The following PARM1 variants were observed in gnomAD, a reference collection of about 807,000 sequenced individuals.
PARM1 encodes prostate androgen-regulated mucin-like protein 1.
PARM1 carries 14 observed loss-of-function variants against 24.6 expected under a neutral mutation model. The observed-to-expected ratio is 0.57, with a 90% CI of 0.38 to 0.89. The LOEUF (loss-of-function observed/expected upper bound fraction) is 0.89, where lower values mean the gene tolerates loss of function less well. Ranked by LOEUF, PARM1 falls within the 40% of genes least tolerant of loss-of-function variation. The probability of loss-of-function intolerance (pLI) is 0.00; values close to 1 mark genes in which losing one functional copy is unlikely to be tolerated. For missense variants in PARM1, 362 were observed against 380.4 expected (o/e 0.95, Z 0.40); for synonymous variants, 179 against 156.6 (o/e 1.14, Z -1.07).
intron 1 of PARM1, among the ~76,000 whole-genome samples, chr4:74,947,602 A>G (rs1721435364): frequency 1.3e-5 from 2 of 152,352 alleles, no homozygotes; most frequent in African/African-American, 4.8e-5. Flanking sequence ...TATAACCCTT[A>G]TGTTTTCAAC....
chr4:75,017,436 C>T (rs1723009645), intron 2 of PARM1, among the ~76,000 whole-genome samples: 1 of 152,094 alleles, frequency 6.6e-6, no homozygotes. Context: ...GTTACCATCC[C>T]CCCTATCTAG....
intron 2 of PARM1, among the ~76,000 whole-genome samples, chr4:75,033,001 C>G (rs1346138): frequency 0.096 from 14,613 of 152,200 alleles, 847 homozygotes; most frequent in African/African-American, 0.16. Context: ...ATGCAAAGCT[C>G]ACACAAAAAG....
chr4:74,958,433 A>G (rs1448261048), intron 1 of PARM1, among the ~76,000 whole-genome samples: 9 of 152,298 alleles, frequency 5.9e-5, no homozygotes, highest in Non-Finnish European at 1.5e-5. Context: ...CCGGGTAACT[A>G]TTTTACTTGA....
At chr4:75,035,335 A>G (rs1723349250) in intron 3 of PARM1, among the ~76,000 whole-genome samples, 1 of 152,174 alleles carries the variant, frequency 6.6e-6, no homozygotes, top group Non-Finnish European at 1.5e-5. Flanking sequence ...GTCTGTGAGG[A>G]CACTGCTAGG....
intron 3 of PARM1, among the ~76,000 whole-genome samples, chr4:75,035,851 T>TA (rs554253170): frequency 8.6e-5 from 13 of 151,988 alleles, no homozygotes; most frequent in Non-Finnish European, 8.8e-5. Flanking sequence ...CCCCCAGATT[T>TA]AAAAAAAATA....
At chr4:74,987,357 A>G (rs916824167) in intron 1 of PARM1, among the ~76,000 whole-genome samples, 1 of 152,178 alleles carries the variant, frequency 6.6e-6, no homozygotes, top group African/African-American at 2.4e-5. Flanking sequence ...GAGAAGAGAC[A>G]GAGAACTTCC....
chr4:75,016,922 C>T (rs1016008199), intron 2 of PARM1, among the ~76,000 whole-genome samples: 1 of 152,154 alleles, frequency 6.6e-6, no homozygotes, highest in African/African-American at 2.4e-5. Flanking sequence ...AATTCATCAT[C>T]TCCACTGGGT....
rs139755160 is a variant in PARM1, at chr4:75,028,332, C to T, written c.770-5551C>T. Among the ~76,000 whole-genome samples, 251 of 152,334 alleles carry T rather than the reference C, an allele frequency of 1.6e-3. 1 individual carries two copies. Among genetic ancestry groups the T allele is most frequent in the African/African-American group, 5.8e-3 (243 of 41,580 alleles). ...CTGTCAAGCCCTCGCCAGTCGCCCACTTCCCTCCTCCAGCACATCCACAGA... is the reference window on the plus strand; with the variant it reads ...CTGTCAAGCCCTCGCCAGTCGCCCATTTCCCTCCTCCAGCACATCCACAGA... On this transcript the variant is annotated intron_variant, in intron 2 of 3. Coordinates refer to ENST00000307428, the MANE Select transcript of PARM1 (RefSeq NM_015393.4).
At chr4:74,960,673 A>G (rs770568552) in intron 1 of PARM1, among the ~76,000 whole-genome samples, 1 of 152,174 alleles carries the variant, frequency 6.6e-6, no homozygotes, top group African/African-American at 2.4e-5. Context: ...AAAATAACCC[A>G]ATAGAAACAT....
chr4:74,946,816 T>C (rs112354128), intron 1 of PARM1, among the ~76,000 whole-genome samples: 14 of 152,242 alleles, frequency 9.2e-5, no homozygotes, highest in African/African-American at 3.1e-4. Context: ...AAAACAATAA[T>C]AATACAAAAT....
intron 3 of PARM1, 28 bp downstream of exon 3, chr4:75,033,989 A>AT: frequency 1.0e-5 from 16 of 1,553,002 alleles, no homozygotes; most frequent in Non-Finnish European, 1.4e-5. Flanking sequence ...CTTAAAAAAA[A>AT]GGGATTCTGT....
chr4:74,985,631 T>G (rs1303191095), intron 1 of PARM1, among the ~76,000 whole-genome samples: 1 of 152,222 alleles, frequency 6.6e-6, no homozygotes, highest in East Asian at 1.9e-4. Context: ...GAGCAGTGAT[T>G]TAACCCTACT....
intron 1 of PARM1, among the ~76,000 whole-genome samples, chr4:74,958,200 T>A (rs890493592): frequency 1.3e-5 from 2 of 152,210 alleles, no homozygotes; most frequent in Non-Finnish European, 2.9e-5. Context: ...GAAAGGGTGA[T>A]GACTCTTAAT....
intron 2 of PARM1, among the ~76,000 whole-genome samples, chr4:75,016,173 A>G (rs17000088): frequency 0.066 from 10,081 of 152,154 alleles, 1,133 homozygotes; most frequent in African/African-American, 0.23. Context: ...TGAGTTGCAG[A>G]AAATAAAGGA....
In PARM1 at chr4:74,990,459, G is replaced by T. The variant is rs192176462; in HGVS notation, c.44-21966G>T. ...GATTAGTGAGCTCCTCCAAAATACT[G>T]TTGGCTTCAGCACAACACAGAGCTG... is the stretch of plus-strand genomic sequence containing the variant. On this transcript the variant is annotated intron_variant, in intron 1 of 3. Transcript: ENST00000307428. Among the ~76,000 whole-genome samples the T allele has an allele frequency of 7.9e-5, 12 of 152,236 alleles. No homozygotes were observed. The East Asian group carries it at 2.1e-3, about 27-fold the overall frequency.
At chr4:74,947,880 T>G (rs551863651) in intron 1 of PARM1, among the ~76,000 whole-genome samples, 25 of 152,330 alleles carry the variant, frequency 1.6e-4, no homozygotes, top group Non-Finnish European at 2.9e-4. Context: ...CCGCAGTGTT[T>G]AGCAAGTGGC....
intron 1 of PARM1, among the ~76,000 whole-genome samples, chr4:74,951,543 A>C (rs1326461384): frequency 6.6e-6 from 1 of 151,910 alleles, no homozygotes; most frequent in East Asian, 1.9e-4. Flanking sequence ...GCACCCATCA[A>C]CCCGTCATCT....
intron 1 of PARM1, among the ~76,000 whole-genome samples, chr4:74,933,814 C>A: frequency 6.6e-6 from 1 of 152,152 alleles, no homozygotes; most frequent in Admixed American, 6.5e-5. Flanking sequence ...GGGAAGGCTT[C>A]AGCAGCGGCT....
intron 1 of PARM1, among the ~76,000 whole-genome samples, chr4:74,994,497 G>T (rs1301936490): frequency 6.6e-6 from 1 of 152,054 alleles, no homozygotes; most frequent in Admixed American, 6.6e-5. Flanking sequence ...GGCCACAAAA[G>T]GCTAAATAAA....
Sources: gnomAD v4.1 joint callset for allele counts (sites outside exome capture counted in the v4.1 genomes callset) on GRCh38, gnomAD v4.1.1 for gene constraint, MANE v1.5 for transcripts, NCBI Gene and HGNC (gene_info 2026-07-23, HGNC 2026-07-21) for gene names.